ARHGAP35: variants seen among roughly 807,000 people sequenced by gnomAD.
ARHGAP35 encodes rho GTPase-activating protein 35.
In ARHGAP35, 15 loss-of-function variants were observed where a neutral mutation model predicts 111.1. That is an observed-to-expected ratio of 0.13 (90% CI 0.09 to 0.21). ARHGAP35 has a LOEUF of 0.21. Among genes scored for constraint, ARHGAP35 ranks in the 10% least tolerant of loss-of-function variants. The probability of loss-of-function intolerance (pLI) is 1.00; values close to 1 mark genes in which losing one functional copy is unlikely to be tolerated. For missense variants in ARHGAP35, 1,262 were observed against 1,873.0 expected, an observed-to-expected ratio of 0.67 and a Z score of 6.02; for synonymous variants, 643 against 710.3, an observed-to-expected ratio of 0.91 and a Z score of 1.51.
chr19:46,920,962 C>G lies in ARHGAP35; in HGVS notation c.2287C>G (p.Arg763Gly). The G allele has an allele frequency of 6.2e-7, 1 of 1,613,966 alleles. No homozygotes were observed. The highest frequency in any genetic ancestry group is 1.3e-5 in the African/African-American group (1 of 75,034). Reference sequence around the variant, plus strand: ...TTTGAAGGGACTCCTGGACTCTAAGCGTAACTTAAACCTGGTCAGTTCTAC... The same window carrying G: ...TTTGAAGGGACTCCTGGACTCTAAGGGTAACTTAAACCTGGTCAGTTCTAC... ...QVLKGLLDSK[R>G]NLNLVSSTAS... Residue 763 changes from arginine to glycine, a missense_variant, in exon 2 of 7, where the codon CGT (arginine) becomes GGT (glycine). Arg to Gly is a moderately radical substitution (Grantham distance 125). Transcript: ENST00000672722. The surrounding 1 kb of genome is among the most constrained non-coding windows in gnomAD (Gnocchi z 7.0).
intron 1 of ARHGAP35, among the ~76,000 whole-genome samples, chr19:46,895,415 T>A: frequency 6.6e-6 from 1 of 152,172 alleles, no homozygotes. Context: ...TCCACCCGCC[T>A]CGGCCTCCCA....
At chr19:46,876,803 GGCTTT>G (rs1220865424) in intron 1 of ARHGAP35, among the ~76,000 whole-genome samples, 3 of 152,122 alleles carry the variant, frequency 2.0e-5, no homozygotes, top group African/African-American at 7.2e-5. Context: ...GGCTGGACTT[GGCTTT>G]AAGAGACCAG....
rs1339740580 is a variant in ARHGAP35 at position 47,004,242 on chromosome 19, T to G, written c.*3554T>G. On this transcript the variant is annotated 3_prime_UTR_variant, in exon 7 of 7. Coordinates refer to ENST00000672722, the MANE Select transcript of ARHGAP35 (RefSeq NM_004491.5). Reference sequence around the variant, plus strand: ...CCTCCCTCGGAGGACATCGTCTGTGTCCAGGTCAGAAAGTGGCCCAGGAAG... The same window carrying G: ...CCTCCCTCGGAGGACATCGTCTGTGGCCAGGTCAGAAAGTGGCCCAGGAAG... 1 of 152,162 alleles carries G rather than the reference T, an allele frequency of 6.6e-6. No homozygotes were observed. The highest frequency in any genetic ancestry group is 1.5e-5 in the Non-Finnish European group (1 of 68,058). 9.4% of individuals were successfully genotyped at this position (152,162 alleles called of 1,614,324 possible).
In ARHGAP35 at chr19:46,927,647, A is replaced by G. The variant is rs553705822; in HGVS notation, c.3681+5291A>G. 6.6e-5 allele frequency among the ~76,000 whole-genome samples: 10 copies of G among 152,298 alleles called. No individual in the cohort carries two copies. The South Asian group carries it at 2.1e-3, about 32-fold the overall frequency. ...GTTTTTGTGCATTTATTGAATACTTACTGTGTGCCAGGTACGTGTCAGGCA... is the reference window on the plus strand; with the variant it reads ...GTTTTTGTGCATTTATTGAATACTTGCTGTGTGCCAGGTACGTGTCAGGCA... On this transcript the variant is annotated intron_variant, in intron 2 of 6. Transcript: ENST00000672722.
intron 1 of ARHGAP35, among the ~76,000 whole-genome samples, chr19:46,861,769 T>C (rs2055829679): frequency 6.6e-6 from 1 of 152,148 alleles, no homozygotes; most frequent in Non-Finnish European, 1.5e-5. Flanking sequence ...ATTATTCCTG[T>C]CTCAGAATCT....
At chr19:46,861,795 C>T (rs2122844146) in intron 1 of ARHGAP35, among the ~76,000 whole-genome samples, 1 of 152,278 alleles carries the variant, frequency 6.6e-6, no homozygotes, top group South Asian at 2.1e-4. Context: ...ACCCTGGGAG[C>T]TGTCCCTTTA....
At chr19:46,965,780 C>A (rs993681719) in intron 3 of ARHGAP35, among the ~76,000 whole-genome samples, 1 of 152,158 alleles carries the variant, frequency 6.6e-6, no homozygotes, top group Non-Finnish European at 1.5e-5. Flanking sequence ...CTGCTGCACT[C>A]GGCCTGGATT....
At chr19:46,897,753 G>A (rs2056065020) in intron 1 of ARHGAP35, among the ~76,000 whole-genome samples, 1 of 151,630 alleles carries the variant, frequency 6.6e-6, no homozygotes, top group Non-Finnish European at 1.5e-5. Flanking sequence ...CAGGGTCAAG[G>A]GGAGCTTTGA....
chr19:46,864,809 TTTATC>T (rs753890686), intron 1 of ARHGAP35, among the ~76,000 whole-genome samples: 1 of 152,244 alleles, frequency 6.6e-6, no homozygotes, highest in Admixed American at 6.5e-5. Flanking sequence ...ATTTTCTGAA[TTTATC>T]TTAGAGTTTG....
chr19:46,940,064 G>A (rs1442134826), intron 3 of ARHGAP35, among the ~76,000 whole-genome samples: 2 of 151,616 alleles, frequency 1.3e-5, no homozygotes, highest in African/African-American at 4.8e-5. Context: ...GTGAAACCCC[G>A]TCTCTACTAA....
At chr19:46,959,478 C>A (rs116454673) in intron 3 of ARHGAP35, among the ~76,000 whole-genome samples, 2,985 of 152,000 alleles carry the variant, frequency 0.02, 102 homozygotes, top group African/African-American at 0.067. Flanking sequence ...TGCTCACTTG[C>A]AACCTTGGCC....
chr19:46,932,791 A>G (rs1277577363), intron 2 of ARHGAP35, among the ~76,000 whole-genome samples: 1 of 152,198 alleles, frequency 6.6e-6, no homozygotes, highest in Non-Finnish European at 1.5e-5. Context: ...GTCACTCAGC[A>G]AGGAGGTGGG....
chr19:46,907,677 C>T (rs2056117771), intron 1 of ARHGAP35, among the ~76,000 whole-genome samples: 1 of 151,500 alleles, frequency 6.6e-6, no homozygotes, highest in Non-Finnish European at 1.5e-5. Flanking sequence ...CGGGGTTTCA[C>T]CATGTTAGCC....
chr19:46,974,257 C>T (rs1340109662), intron 3 of ARHGAP35, among the ~76,000 whole-genome samples: 1 of 152,194 alleles, frequency 6.6e-6, no homozygotes, highest in East Asian at 1.9e-4. Flanking sequence ...CCAAAGTTAG[C>T]ATTAGACTCC....
chr19:46,906,127 G>A (rs1599809858), intron 1 of ARHGAP35, among the ~76,000 whole-genome samples: 2 of 151,808 alleles, frequency 1.3e-5, no homozygotes, highest in Non-Finnish European at 2.9e-5. Flanking sequence ...CACCAGCCTA[G>A]GCTACATAGT....
intron 1 of ARHGAP35, among the ~76,000 whole-genome samples, chr19:46,907,618 A>G (rs914912678): frequency 3.3e-5 from 5 of 151,766 alleles, no homozygotes; most frequent in African/African-American, 1.2e-4. Context: ...AGCTGGGACT[A>G]CAGGCGCCCA....
intron 1 of ARHGAP35, among the ~76,000 whole-genome samples, chr19:46,862,093 C>T (rs562698451): frequency 2.0e-5 from 3 of 152,252 alleles, no homozygotes; most frequent in South Asian, 2.1e-4. Context: ...CAGACCCTTT[C>T]CTCTCTTCCA....
At chr19:46,902,536 G>A (rs1364693039) in intron 1 of ARHGAP35, among the ~76,000 whole-genome samples, 1 of 152,080 alleles carries the variant, frequency 6.6e-6, no homozygotes, top group Non-Finnish European at 1.5e-5. Flanking sequence ...ATCTGCTCCC[G>A]GCTGCCTTAC....
rs2056081659 is a variant in ARHGAP35, at chr19:46,901,093, C to T, written c.-188-17395C>T. ...TGTATCCACATGCCTAGTACAGTGC[C>T]TGGCACAGTAGTAGGTGCTTGCTCA... is the stretch of plus-strand genomic sequence containing the variant. On this transcript the variant is annotated intron_variant, in intron 1 of 6. Transcript: ENST00000672722. The surrounding 1 kb of genome is among the most constrained non-coding windows in gnomAD (Gnocchi z 4.5). 6.6e-6 allele frequency among the ~76,000 whole-genome samples: 1 copy of T among 152,200 alleles called. No homozygotes were observed. The highest frequency in any genetic ancestry group is 2.4e-5 in the African/African-American group (1 of 41,440).
Sources: gnomAD v4.1 joint callset for allele counts (sites outside exome capture counted in the v4.1 genomes callset) on GRCh38, gnomAD v4.1.1 for gene constraint, Gnocchi (gnomAD v3.1) non-coding constraint, MANE v1.5 for transcripts, NCBI Gene and HGNC (gene_info 2026-07-23, HGNC 2026-07-21) for gene names.